ZNF75D: variants seen among roughly 807,000 people sequenced by gnomAD.
ZNF75D encodes zinc finger protein 75D.
Under a neutral mutation model 33.3 loss-of-function variants are expected in ZNF75D, and 33 were observed. The ratio of observed to expected loss-of-function variants is 0.99; its 90% confidence interval spans 0.75 to 1.32. The LOEUF is 1.32. Ranked by LOEUF, ZNF75D falls within the 40% of genes most tolerant of loss-of-function variation. The pLI is 0.00. For synonymous variants in ZNF75D, 113 were observed against 130.6 expected (o/e 0.87, Z 0.92); for missense variants, 338 against 367.5 (o/e 0.92, Z 0.66).
intron 1 of ZNF75D, among the ~76,000 whole-genome samples, chrX:135,316,482 CT>C (rs2084422013): frequency 9.0e-6 from 1 of 111,398 alleles, no homozygotes; most frequent in African/African-American, 3.3e-5. Flanking sequence ...TGGGGAAGAT[CT>C]TTTTGCATTG....
At chrX:135,310,890 G>C (rs1556427794) in intron 1 of ZNF75D, among the ~76,000 whole-genome samples, 1 of 111,306 alleles carries the variant, frequency 9.0e-6, no homozygotes, top group Admixed American at 9.5e-5. Context: ...GCAACTGACT[G>C]TAGGTTGGAA....
At chrX:135,258,016 A>T (rs781952549) in intron 1 of ZNF75D, among the ~76,000 whole-genome samples, 10 of 108,559 alleles carry the variant, frequency 9.2e-5, no homozygotes, top group South Asian at 4.0e-4. Context: ...CCTGTGTCCA[A>T]GTGATCTCAT....
Position 135,258,278 on chromosome X carries a change from T to C in ZNF75D, n.828-2501A>G, listed in dbSNP as rs781966071. Among the ~76,000 whole-genome samples, 88 of 109,382 alleles carry C rather than the reference T, an allele frequency of 8.0e-4. 1 individual carries two copies. Among genetic ancestry groups the C allele is most frequent in the East Asian group, 2.0e-3 (7 of 3,555 alleles). 95.0% of individuals were successfully genotyped at this position (109,382 alleles called of 115,157 possible). A position where few individuals can be genotyped will look rare whatever the true frequency, so the allele number is the denominator to read the frequency against. ...CATACGTGTGCATGTGTCTTTATAG[T>C]AGCATGATTTATAATCCTTTGGGTA... On this transcript the variant is annotated intron_variant and non_coding_transcript_variant, in intron 1 of 3. Transcript: ENST00000494295.
At chrX:135,277,889 A>G (rs1205712955) in intron 1 of ZNF75D, among the ~76,000 whole-genome samples, 1 of 112,275 alleles carries the variant, frequency 8.9e-6, no homozygotes, top group Admixed American at 9.4e-5. Context: ...TGGTTACTGT[A>G]GCCTTGTAGT....
At chrX:135,269,138 TG>T (rs1239517473) in intron 1 of ZNF75D, among the ~76,000 whole-genome samples, 9 of 111,997 alleles carry the variant, frequency 8.0e-5, no homozygotes, top group African/African-American at 2.6e-4. Context: ...ACCTCAAACT[TG>T]AAACTACAAA....
At chrX:135,277,097 C>A (rs1602589651) in intron 1 of ZNF75D, among the ~76,000 whole-genome samples, 1 of 112,387 alleles carries the variant, frequency 8.9e-6, no homozygotes, top group African/African-American at 3.2e-5. Flanking sequence ...AACTAATTTA[C>A]ACTCCCACCA....
intron 4 of ZNF75D, 53 bp downstream of exon 4, chrX:135,292,228 A>C (rs2084053169): frequency 8.9e-7 from 1 of 1,122,374 alleles, no homozygotes; most frequent in Admixed American, 2.3e-5. Context: ...TTCTAGGTGA[A>C]CTAATTACTA....
intron 1 of ZNF75D, among the ~76,000 whole-genome samples, chrX:135,329,963 C>A (rs2084631666): frequency 8.9e-6 from 1 of 111,971 alleles, no homozygotes. Context: ...AGTCATGAAC[C>A]TCCATATGAA....
intron 1 of ZNF75D, among the ~76,000 whole-genome samples, chrX:135,315,823 T>A (rs1473903516): frequency 8.9e-6 from 1 of 111,903 alleles, no homozygotes; most frequent in Non-Finnish European, 1.9e-5. Flanking sequence ...CATGTCTATA[T>A]GTAAAGTGCA....
At chrX:135,331,699 C>G (rs1039294277) in intron 1 of ZNF75D, among the ~76,000 whole-genome samples, 7 of 111,767 alleles carry the variant, frequency 6.3e-5, no homozygotes, top group African/African-American at 2.3e-4. Context: ...CCCAAATTCT[C>G]TGGGTCCTCA....
chrX:135,284,355 T>C (rs2083932583), downstream of ZNF75D, among the ~76,000 whole-genome samples: 1 of 111,901 alleles, frequency 8.9e-6, no homozygotes, highest in African/African-American at 3.2e-5. Context: ...CATATCTCCA[T>C]GGACATACAT....
intron 1 of ZNF75D, among the ~76,000 whole-genome samples, chrX:135,305,722 T>C (rs1204764778): frequency 9.0e-6 from 1 of 110,911 alleles, no homozygotes; most frequent in Non-Finnish European, 1.9e-5. Flanking sequence ...CAGCCGTCCT[T>C]CCACCTTCTC....
At position 135,272,432 on chromosome X, in the gene ZNF75D, C is replaced by T. The variant is rs782141745; in HGVS notation, n.828-16655G>A. On this transcript the variant is annotated intron_variant and non_coding_transcript_variant, in intron 1 of 3. Coordinates refer to the ZNF75D transcript ENST00000494295. ...CTTTCATAATTTCAACTGTATGCAA[C>T]CATGTTTTTAGTGGGGGAAAACACT... 6.5e-5 allele frequency among the ~76,000 whole-genome samples: 7 copies of T among 108,299 alleles called. No homozygotes were observed. In the Admixed American group the frequency reaches 7.1e-4, roughly 11 times the overall value. 94.0% of individuals were successfully genotyped at this position (108,299 alleles called of 115,157 possible). A position where few individuals can be genotyped will look rare whatever the true frequency, so the allele number is the denominator to read the frequency against.
intron 1 of ZNF75D, among the ~76,000 whole-genome samples, chrX:135,319,204 A>G (rs1475847996): frequency 3.6e-5 from 4 of 112,408 alleles, no homozygotes; most frequent in Admixed American, 9.4e-5. Flanking sequence ...TATAGAGAAC[A>G]TTATTTAGAA....
chrX:135,279,835 C>A (rs1343351657), intron 1 of ZNF75D, among the ~76,000 whole-genome samples: 2 of 112,027 alleles, frequency 1.8e-5, no homozygotes, highest in Non-Finnish European at 3.8e-5. Context: ...AATTTGATTG[C>A]ACTGTGGTCT....
At chrX:135,289,571 G>A (rs1304036018) in intron 6 of ZNF75D, among the ~76,000 whole-genome samples, 6 of 108,487 alleles carry the variant, frequency 5.5e-5, no homozygotes, top group Non-Finnish European at 9.5e-5. Flanking sequence ...AGCCAAGATT[G>A]CACCACTGCA....
intron 1 of ZNF75D, among the ~76,000 whole-genome samples, chrX:135,325,297 G>A (rs782033717): frequency 2.5e-3 from 268 of 109,053 alleles, no homozygotes; most frequent in Non-Finnish European, 3.9e-3. Context: ...CACGCTGGCA[G>A]TCCTCACAGC....
intron 1 of ZNF75D, among the ~76,000 whole-genome samples, chrX:135,324,785 C>T (rs983902768): frequency 8.9e-5 from 10 of 112,537 alleles, no homozygotes; most frequent in Non-Finnish European, 1.5e-4. Flanking sequence ...TGGCTGCAAG[C>T]GTAGTTGTCT....
rs782626113 is a variant in ZNF75D, at chrX:135,294,001, C to T, written c.140G>A (p.Ser47Asn). Residue 47 changes from serine to asparagine, a missense_variant, in exon 3 of 7, where the codon AGC becomes AAC. This residue lies in a region of ZNF75D where 254 missense variants were observed against 267.7 expected (regional missense o/e 0.95). Coordinates refer to ENST00000370766, the MANE Select transcript of ZNF75D (RefSeq NM_007131.5). ...STKIENLGPE[S>N]ACRHFWSFRY... ...GAAGCTCCAGAAGTGCCTGCAAGCG[C>T]TCTCAGGACCAAGATTCTCTATTTT... The T allele has an allele frequency of 5.8e-6, 7 of 1,212,060 alleles. No homozygotes were observed. In the East Asian group the frequency reaches 1.8e-4, roughly 31 times the overall value.
Sources: allele counts gnomAD v4.1 joint callset (sites outside exome capture counted in the v4.1 genomes callset), GRCh38; gene constraint gnomAD v4.1.1; regional missense constraint gnomAD v4.1.1; transcripts MANE v1.5; gene names NCBI Gene and HGNC (gene_info 2026-07-23, HGNC 2026-07-21).